ACTN1: variants seen among roughly 807,000 people sequenced by gnomAD.
ACTN1 encodes the protein alpha-actinin-1.
A neutral mutation model predicts 119.6 loss-of-function variants in ACTN1; 30 were observed. The ratio of observed to expected loss-of-function variants is 0.25; its 90% CI spans 0.19 to 0.34. The LOEUF is 0.34. Ranked by LOEUF, ACTN1 falls within the 10% of genes least tolerant of loss-of-function variation. ACTN1 has a pLI of 1.00. For missense variants in ACTN1, 764 were observed against 1,223.4 expected, an observed-to-expected ratio of 0.62 and a Z score of 5.60; for synonymous variants, 429 against 472.6, an observed-to-expected ratio of 0.91 and a Z score of 1.20.
intron 2 of ACTN1, 114 bp from the exon 3 acceptor site, chr14:68,921,239 ATGTG>A: frequency 2.2e-6 from 3 of 1,378,818 alleles, no homozygotes; most frequent in Non-Finnish European, 3.0e-6. Context: ...AAGCATGTGC[ATGTG>A]TGCACGTGTG....
intron 6 of ACTN1, among the ~76,000 whole-genome samples, chr14:68,907,510 G>A (rs1214303804): frequency 3.9e-5 from 6 of 152,186 alleles, no homozygotes; most frequent in South Asian, 2.1e-4. Context: ...GTTGCAGTGA[G>A]TGGAGATCAC....
intron 13 of ACTN1, 113 bp from the exon 14 acceptor site, chr14:68,884,421 C>T: frequency 7.8e-7 from 1 of 1,278,768 alleles, no homozygotes; most frequent in Non-Finnish European, 1.1e-6. Context: ...CTCAATCAGG[C>T]AGAAAGAACA....
intron 6 of ACTN1, among the ~76,000 whole-genome samples, chr14:68,907,259 T>TTAA (rs1340504356): frequency 6.8e-5 from 5 of 72,998 alleles, no homozygotes; most frequent in African/African-American, 1.2e-4. Flanking sequence ...AAGACTCTCT[T>TTAA]AAAAAAAAAA....
chr14:68,928,513 G>A (rs912493023), intron 1 of ACTN1, among the ~76,000 whole-genome samples: 4 of 152,116 alleles, frequency 2.6e-5, no homozygotes, highest in East Asian at 1.9e-4. Flanking sequence ...CATGCACTTC[G>A]GGACGCATCA....
chr14:68,881,668 C>T (rs2140082152), intron 16 of ACTN1, among the ~76,000 whole-genome samples: 1 of 152,262 alleles, frequency 6.6e-6, no homozygotes, highest in South Asian at 2.1e-4. Context: ...TTAAGGAACT[C>T]AGAGGCCATG....
chr14:68,888,084 T>C, intron 11 of ACTN1: 1 of 689,238 alleles, frequency 1.5e-6, no homozygotes, highest in East Asian at 2.8e-5. Flanking sequence ...CCCTTGGGCA[T>C]CCTGGCGGCA....
intron 1 of ACTN1, among the ~76,000 whole-genome samples, chr14:68,959,258 T>C (rs961149232): frequency 6.6e-6 from 1 of 152,174 alleles, no homozygotes; most frequent in African/African-American, 2.4e-5. Context: ...CTCGAGTTCA[T>C]TGCCTCAGCT....
intron 4 of ACTN1, 40 bp from the exon 5 acceptor site, chr14:68,910,082 C>T (rs779641289): frequency 1.5e-5 from 23 of 1,565,016 alleles, no homozygotes; most frequent in Non-Finnish European, 1.9e-5. Flanking sequence ...AGAGGGCTGA[C>T]TCGGTGGAGG....
intron 1 of ACTN1, among the ~76,000 whole-genome samples, chr14:68,954,213 C>G (rs1235430659): frequency 6.6e-6 from 1 of 152,154 alleles, no homozygotes; most frequent in Admixed American, 6.5e-5. Context: ...AAATACTACA[C>G]CACCATGATG....
At chr14:68,952,836 G>T (rs2036213570) in intron 1 of ACTN1, among the ~76,000 whole-genome samples, 1 of 152,092 alleles carries the variant, frequency 6.6e-6, no homozygotes, top group Non-Finnish European at 1.5e-5. Flanking sequence ...AAATGTCAAA[G>T]TCCCCCAAAT....
chr14:68,942,242 T>C lies in ACTN1; in HGVS notation c.106-16570A>G, dbSNP rs995483304. On this transcript the variant is annotated intron_variant, in intron 1 of 21. Coordinates refer to ENST00000394419, the MANE Select transcript of ACTN1 (RefSeq NM_001130004.2). The stretch of plus-strand genomic sequence containing the variant: ...AAAATTTAAAAATGTTAGCCAGGCA[T>C]GATGGTGCACCCCTATAGTTCCAGC... Among the ~76,000 whole-genome samples the C allele has an allele frequency of 9.9e-5, 15 of 152,186 alleles. No individual in the cohort carries two copies. The South Asian group carries it at 1.9e-3, about 19-fold the overall frequency.
chr14:68,876,970 A>G (rs2030967066), intron 21 of ACTN1, 112 bp downstream of exon 21: 1 of 1,324,992 alleles, frequency 7.5e-7, no homozygotes, highest in African/African-American at 1.5e-5. Flanking sequence ...AGGCCAAAGG[A>G]CCCTGGAAGA....
intron 2 of ACTN1, among the ~76,000 whole-genome samples, chr14:68,922,712 G>C (rs1013655207): frequency 6.6e-6 from 1 of 152,252 alleles, no homozygotes; most frequent in Non-Finnish European, 1.5e-5. Flanking sequence ...GTTCTCAAAC[G>C]TCAGTCAGCA....
At position 68,880,763 on chromosome 14, in the gene ACTN1, GA is replaced by G; in HGVS notation, c.2133+46del. The G allele has an allele frequency of 6.3e-7, 1 of 1,594,802 alleles. No individual in the cohort carries two copies. Among genetic ancestry groups the G allele is most frequent in the Non-Finnish European group, 8.6e-7 (1 of 1,166,118 alleles). Reference sequence around the variant, plus strand: ...ACTTCCCCACCCAGGAGAAAGAGCAGAAGGGGCCACGGGCTCCCGAAGAGGA... The same window carrying G: ...ACTTCCCCACCCAGGAGAAAGAGCAGAGGGGCCACGGGCTCCCGAAGAGGA... On this transcript the variant is annotated intron_variant, in intron 17 of 21. Coordinates refer to ENST00000394419, the MANE Select transcript of ACTN1 (RefSeq NM_001130004.2). This position sits in a 1 kb window ranked among gnomAD's most constrained non-coding sequence, Gnocchi z 4.6.
chr14:68,902,674 G>C lies in ACTN1; in HGVS notation c.677-112C>G, dbSNP rs984929087. ...CACCAAGTCTTCTTGCCAAAATGTG[G>C]AGCCCGAATCTAACCAGCCTCTGGC... On this transcript the variant is annotated intron_variant, in intron 7 of 21. Coordinates refer to ENST00000394419, the MANE Select transcript of ACTN1 (RefSeq NM_001130004.2). 7 of 869,604 alleles carry C rather than the reference G, an allele frequency of 8.0e-6. No homozygotes were observed. In the East Asian group the frequency reaches 8.1e-5, roughly 10 times the overall value. The allele number at this position is 869,604 out of a possible 1,614,324, so 53.9% of individuals were successfully genotyped here.
intron 2 of ACTN1, among the ~76,000 whole-genome samples, chr14:68,921,974 A>G (rs887754366): frequency 2.0e-5 from 3 of 152,200 alleles, no homozygotes; most frequent in Non-Finnish European, 4.4e-5. Flanking sequence ...CCCCATTAAC[A>G]GCACTTTTAT....
intron 1 of ACTN1, among the ~76,000 whole-genome samples, chr14:68,955,923 G>A (rs561969693): frequency 7.9e-5 from 12 of 152,176 alleles, no homozygotes; most frequent in Admixed American, 3.9e-4. Flanking sequence ...TTCACATTTG[G>A]GGGTGGCTAG....
rs1824578259 is a variant in ACTN1 at position 68,880,561 on chromosome 14, A to G, written c.2133+249T>C. 6.6e-6 allele frequency among the ~76,000 whole-genome samples: 1 copy of G among 152,224 alleles called. No individual in the cohort carries two copies. Among genetic ancestry groups the G allele is most frequent in the Non-Finnish European group, 1.5e-5 (1 of 68,032 alleles). On this transcript the variant is annotated intron_variant, in intron 17 of 21. Coordinates refer to ENST00000394419, the MANE Select transcript of ACTN1 (RefSeq NM_001130004.2). The surrounding 1 kb of genome is among the most constrained non-coding windows in gnomAD (Gnocchi z 4.6). ...GAGCCCACCAGCACCCAGAACCACC[A>G]GAAGTGCTTATTCTGAACTCCACCC...
intron 13 of ACTN1, 46 bp from the exon 14 acceptor site, chr14:68,884,354 A>G: frequency 6.3e-7 from 1 of 1,577,402 alleles, no homozygotes. Context: ...GATGTCCAGA[A>G]TCATCCCCCA....
Sources: gnomAD v4.1 joint callset for allele counts (sites outside exome capture counted in the v4.1 genomes callset) on GRCh38, gnomAD v4.1.1 for gene constraint, Gnocchi (gnomAD v3.1) non-coding constraint, MANE v1.5 for transcripts, NCBI Gene and HGNC (gene_info 2026-07-23, HGNC 2026-07-21) for gene names.